RSBN1L: variants seen among roughly 807,000 people sequenced by gnomAD.
The protein encoded by RSBN1L is lysine-specific demethylase RSBN1L.
RSBN1L carries 30 observed loss-of-function variants against 67.7 expected under a neutral mutation model. The ratio of observed to expected loss-of-function variants is 0.44; its 90% CI spans 0.33 to 0.60. The LOEUF is 0.60. Among genes scored for constraint, RSBN1L ranks in the 20% least tolerant of loss-of-function variants. RSBN1L has a pLI of 0.02. For synonymous variants in RSBN1L, 433 were observed against 387.0 expected, an observed-to-expected ratio of 1.12 and a Z score of -1.39; for missense variants, 992 against 1,031.7, an observed-to-expected ratio of 0.96 and a Z score of 0.53.
chr7:77,717,909 C>T (rs1791068598), intron 1 of RSBN1L, among the ~76,000 whole-genome samples: 1 of 152,144 alleles, frequency 6.6e-6, no homozygotes, highest in Non-Finnish European at 1.5e-5. Flanking sequence ...ATCTCAGCTA[C>T]TTGGGAGGCT....
At chr7:77,773,963 T>TA (rs1220717744) in intron 6 of RSBN1L, among the ~76,000 whole-genome samples, 1 of 152,170 alleles carries the variant, frequency 6.6e-6, no homozygotes, top group East Asian at 1.9e-4. Flanking sequence ...ATTTATCACA[T>TA]AAGGAAACTG....
chr7:77,748,101 GA>G (rs1482901096), intron 2 of RSBN1L, among the ~76,000 whole-genome samples: 5 of 152,146 alleles, frequency 3.3e-5, no homozygotes, highest in Admixed American at 3.3e-4. Context: ...ACTGTCTTTG[GA>G]TTCCAGACTG....
Position 77,778,561 on chromosome 7 carries a change from A to G in RSBN1L, c.1934A>G (p.Asn645Ser). The G allele has an allele frequency of 6.2e-7, 1 of 1,613,390 alleles. No individual in the cohort carries two copies. The highest frequency in any genetic ancestry group is 8.5e-7 in the Non-Finnish European group (1 of 1,179,578). The part of the protein sequence containing the change: ...CVQWVDDAKL[N>S]QLRREGIRYA... ...CAATGGGTTGATGATGCAAAACTGA[A>G]TCAACTGAGGAGGGAAGGCATTCGC... Residue 645 changes from asparagine to serine, a missense_variant, in exon 8 of 8, where the codon AAT becomes AGT. This residue lies in a region of RSBN1L where 55 missense variants were observed against 112.8 expected (regional missense o/e 0.49). Transcript: ENST00000334955.
chr7:77,776,959 CT>C (rs1791926413), intron 6 of RSBN1L, among the ~76,000 whole-genome samples: 1 of 150,946 alleles, frequency 6.6e-6, no homozygotes, highest in Non-Finnish European at 1.5e-5. Flanking sequence ...TTCCAATTTG[CT>C]TCTTTATTCT....
At chr7:77,718,170 C>T (rs987287001) in intron 1 of RSBN1L, among the ~76,000 whole-genome samples, 1 of 152,096 alleles carries the variant, frequency 6.6e-6, no homozygotes, top group African/African-American at 2.4e-5. Context: ...ATAGGAAAAG[C>T]GAGCTCTACA....
chr7:77,699,421 T>C (rs1178641546), intron 1 of RSBN1L, among the ~76,000 whole-genome samples: 1 of 152,242 alleles, frequency 6.6e-6, no homozygotes, highest in African/African-American at 2.4e-5. Context: ...AGAACTGCTT[T>C]ATTTTTACAT....
At chr7:77,768,344 T>TTATTTA (rs1235228507) in intron 4 of RSBN1L, 1 of 191,254 alleles carries the variant, frequency 5.2e-6, no homozygotes, top group Admixed American at 5.8e-5. Flanking sequence ...GAGCACTTGC[T>TTATTTA]TATTTAGTCC....
In RSBN1L at chr7:77,768,417, T is replaced by C. The variant is rs562115739; in HGVS notation, c.1483-244T>C. On this transcript the variant is annotated intron_variant, in intron 4 of 7. Coordinates refer to ENST00000334955, the MANE Select transcript of RSBN1L (RefSeq NM_198467.3). ...AACAAATGATGAATATAGTGAATCA[T>C]ACCTCTAGCAGGGTATAGGGACAGA... 25 of 374,306 alleles carry C rather than the reference T, an allele frequency of 6.7e-5. No homozygotes were observed. The South Asian group carries it at 1.3e-3, about 20-fold the overall frequency. The allele number at this position is 374,306 out of a possible 1,614,324, so 23.2% of individuals were successfully genotyped here. A position where few individuals can be genotyped will look rare whatever the true frequency, so the allele number is the denominator to read the frequency against.
intron 3 of RSBN1L, among the ~76,000 whole-genome samples, chr7:77,763,658 A>G (rs913416880): frequency 1.6e-4 from 24 of 152,214 alleles, no homozygotes; most frequent in African/African-American, 5.5e-4. Context: ...TGAGACAATG[A>G]GCATACAATG....
chr7:77,721,032 G>A lies in RSBN1L; in HGVS notation c.587-15378G>A, dbSNP rs140861432. On this transcript the variant is annotated intron_variant, in intron 1 of 7. Transcript: ENST00000334955. ...GCTGGGATTACAGCGGTGAGCCACC[G>A]TGCCCAGCCTACTGCTTTTTTTCTT... 3.8e-3 allele frequency among the ~76,000 whole-genome samples: 580 copies of A among 152,048 alleles called. 4 individuals are homozygous for A. Among genetic ancestry groups the A allele is most frequent in the African/African-American group, 0.013 (549 of 41,494 alleles).
In RSBN1L at chr7:77,768,801, A is replaced by G. The variant is rs200847181; in HGVS notation, c.1623A>G (p.Lys541=). Residue 541 remains lysine (K), a splice_region_variant and synonymous_variant, in exon 5 of 8, where the codon AAA becomes AAG. Coordinates refer to ENST00000334955, the MANE Select transcript of RSBN1L (RefSeq NM_198467.3). Reference sequence around the variant, plus strand: ...TGCCAAAGTCACCTTTCAAAAGGAAAAGGTATGTTGTATACACATTTTTAT... The same window carrying G: ...TGCCAAAGTCACCTTTCAAAAGGAAGAGGTATGTTGTATACACATTTTTAT... The part of the protein sequence containing the change: ...ADMPKSPFKR[K]RTTNEIKNLQ... 6.2e-7 allele frequency: 1 copy of G among 1,614,034 alleles called. No homozygotes were observed. Among genetic ancestry groups the G allele is most frequent in the Middle Eastern group, 1.7e-4 (1 of 6,060 alleles).
At chr7:77,736,304 T>G (rs1354299667) in intron 1 of RSBN1L, 106 bp from the exon 2 acceptor site, 1 of 425,538 alleles carries the variant, frequency 2.3e-6, no homozygotes, top group East Asian at 5.7e-5. Context: ...TTCCTCATTC[T>G]GATTTTCTTT....
At chr7:77,769,803 T>A in intron 5 of RSBN1L, among the ~76,000 whole-genome samples, 1 of 152,204 alleles carries the variant, frequency 6.6e-6, no homozygotes, top group East Asian at 1.9e-4. Context: ...AAATTATGAA[T>A]ATAGCATTAA....
intron 3 of RSBN1L, among the ~76,000 whole-genome samples, 190 bp downstream of exon 3, chr7:77,750,254 G>GT (rs1006597083): frequency 6.6e-4 from 60 of 90,772 alleles, no homozygotes; most frequent in East Asian, 1.1e-3. Context: ...ACTTATGTAT[G>GT]TTTTTTTTTA....
intron 4 of RSBN1L, among the ~76,000 whole-genome samples, chr7:77,765,915 C>CT (rs913007037): frequency 7.9e-5 from 12 of 152,148 alleles, no homozygotes; most frequent in African/African-American, 2.7e-4. Flanking sequence ...CCTCTTAACA[C>CT]TTTAGGAAAT....
At chr7:77,717,843 C>A (rs1791067935) in intron 1 of RSBN1L, among the ~76,000 whole-genome samples, 1 of 152,132 alleles carries the variant, frequency 6.6e-6, no homozygotes, top group African/African-American at 2.4e-5. Context: ...CATGGTGAAA[C>A]CCTGTCTCTA....
At chr7:77,766,796 T>A (rs1791771386) in intron 4 of RSBN1L, among the ~76,000 whole-genome samples, 1 of 152,158 alleles carries the variant, frequency 6.6e-6, no homozygotes, top group Non-Finnish European at 1.5e-5. Flanking sequence ...TACATATATC[T>A]TTTTCTTCCC....
chr7:77,773,638 C>T (rs956486510), intron 6 of RSBN1L, among the ~76,000 whole-genome samples: 4 of 152,148 alleles, frequency 2.6e-5, no homozygotes, highest in Non-Finnish European at 2.9e-5. Flanking sequence ...TGGCGCACGC[C>T]TGTAGTCCTA....
At chr7:77,760,635 A>T (rs1432846218) in intron 3 of RSBN1L, among the ~76,000 whole-genome samples, 2 of 151,984 alleles carry the variant, frequency 1.3e-5, no homozygotes, top group African/African-American at 4.8e-5. Flanking sequence ...TTTTTTATTT[A>T]GTTAACTTAT....
Sources: allele counts gnomAD v4.1 joint callset (sites outside exome capture counted in the v4.1 genomes callset), GRCh38; gene constraint gnomAD v4.1.1; regional missense constraint gnomAD v4.1.1; transcripts MANE v1.5; gene names NCBI Gene and HGNC (gene_info 2026-07-23, HGNC 2026-07-21).